The following PBLD variants were observed in gnomAD, a reference collection of about 807,000 sequenced individuals.
The protein encoded by PBLD is phenazine biosynthesis-like domain-containing protein.
PBLD carries 26 observed loss-of-function variants against 31.3 expected under a neutral mutation model. That is an observed-to-expected ratio of 0.83 (90% CI 0.61 to 1.15). The LOEUF is 1.15. Among genes scored for constraint, PBLD ranks in the 50% most tolerant of loss-of-function variants. The pLI, the probability that PBLD is intolerant of heterozygous loss-of-function variation, is 0.00. For synonymous variants in PBLD, 114 were observed against 129.0 expected, an observed-to-expected ratio of 0.88 and a Z score of 0.79; for missense variants, 307 against 351.7, an observed-to-expected ratio of 0.87 and a Z score of 1.02.
At chr10:68,307,953 C>G (rs2044606296) in intron 1 of PBLD, among the ~76,000 whole-genome samples, 1 of 151,846 alleles carries the variant, frequency 6.6e-6, no homozygotes, top group Non-Finnish European at 1.5e-5. Flanking sequence ...AAATAAAGAC[C>G]CATAAGTGCA....
At chr10:68,305,621 G>A (rs919649674) in intron 2 of PBLD, among the ~76,000 whole-genome samples, 1 of 152,128 alleles carries the variant, frequency 6.6e-6, no homozygotes, top group African/African-American at 2.4e-5. Flanking sequence ...CGTGCATGGT[G>A]GCGGGCACCT....
rs375209240 is a variant in PBLD at position 68,292,217 on chromosome 10, G to A, written c.305C>T (p.Thr102Met). Residue 102 changes from threonine (T) to methionine (M), a missense_variant, in exon 5 of 10, where the codon ACG (threonine) becomes ATG (methionine). Transcript: ENST00000358769. ...HKIKNMNSTLTFVTLSGELRA... is the reference protein window; with the variant it reads ...HKIKNMNSTLMFVTLSGELRA... ...TAGTTCTCCACTCAGAGTGACAAAC[G>A]TGAGCGTGCTATTCATGTTTTCTGG... 31 of 1,613,452 alleles carry A rather than the reference G, an allele frequency of 1.9e-5. No homozygotes were observed. The highest frequency in any genetic ancestry group is 9.3e-5 in the African/African-American group (7 of 74,926).
intron 2 of PBLD, among the ~76,000 whole-genome samples, chr10:68,304,418 C>T (rs1278712694): frequency 6.6e-6 from 1 of 152,236 alleles, no homozygotes; most frequent in African/African-American, 2.4e-5. Context: ...ATCCCCAAAT[C>T]ATGGACTTCC....
Position 68,306,898 on chromosome 10 carries a change from C to G in PBLD, c.-54G>C. 7.2e-7 allele frequency: 1 copy of G among 1,381,104 alleles called. No individual in the cohort carries two copies. Among genetic ancestry groups the G allele is most frequent in the East Asian group, 2.3e-5 (1 of 42,954 alleles). The allele number at this position is 1,381,104 out of a possible 1,614,324, so 85.6% of individuals were successfully genotyped here. ...TCAAAATTGCTGGTAGCCTGCTTTA[C>G]GTCTTCTTCTTGGAAAAGGAAATCA... On this transcript the variant is annotated 5_prime_UTR_variant, in exon 2 of 10. Coordinates refer to ENST00000358769, the MANE Select transcript of PBLD (RefSeq NM_022129.4).
intron 4 of PBLD, among the ~76,000 whole-genome samples, chr10:68,295,264 G>A (rs1226546116): frequency 2.0e-5 from 3 of 151,152 alleles, no homozygotes; most frequent in East Asian, 2.0e-4. Flanking sequence ...AGGCCAAGGT[G>A]GGCAGACCAC....
chr10:68,322,028 C>T (rs982222767), intron 1 of PBLD, among the ~76,000 whole-genome samples: 1 of 152,056 alleles, frequency 6.6e-6, no homozygotes, highest in Admixed American at 6.6e-5. Flanking sequence ...AAGAACAGAG[C>T]ATGGAAAGAC....
rs1016302257 is a variant in PBLD at position 68,319,885 on chromosome 10, G to C, written c.-60+12899C>G. Among the ~76,000 whole-genome samples, 3 of 149,378 alleles carry C rather than the reference G, an allele frequency of 2.0e-5. No homozygotes were observed. In the East Asian group the frequency reaches 6.0e-4, roughly 30 times the overall value. On this transcript the variant is annotated intron_variant, in intron 1 of 9. Transcript: ENST00000358769. ...GTTGCCCAGGCTGGAGTGCAATGGTGCAATCTCGGCTCACGGCAACCTCCG... is the reference window on the plus strand; with the variant it reads ...GTTGCCCAGGCTGGAGTGCAATGGTCCAATCTCGGCTCACGGCAACCTCCG...
chr10:68,320,821 CTTTT>C (rs201356125), intron 1 of PBLD, among the ~76,000 whole-genome samples: 1 of 142,784 alleles, frequency 7.0e-6, no homozygotes, highest in Non-Finnish European at 1.5e-5. Context: ...GCTCAACCCC[CTTTT>C]TTTTTTTTTT....
chr10:68,323,332 T>G (rs1438910051), intron 1 of PBLD, among the ~76,000 whole-genome samples: 1 of 151,980 alleles, frequency 6.6e-6, no homozygotes, highest in Non-Finnish European at 1.5e-5. Context: ...GAGGCCAAAG[T>G]GGGTGGATCA....
intron 1 of PBLD, among the ~76,000 whole-genome samples, chr10:68,317,222 A>G (rs1180744967): frequency 1.3e-5 from 2 of 152,216 alleles, no homozygotes; most frequent in Non-Finnish European, 2.9e-5. Context: ...TATCACTCAA[A>G]GCAAAGGTAA....
At chr10:68,313,485 C>A (rs952262824) in intron 1 of PBLD, among the ~76,000 whole-genome samples, 5 of 152,096 alleles carry the variant, frequency 3.3e-5, no homozygotes, top group Non-Finnish European at 5.9e-5. Flanking sequence ...GCATACTTCC[C>A]GGATGTCACA....
At chr10:68,320,800 T>C (rs1564738345) in intron 1 of PBLD, among the ~76,000 whole-genome samples, 1 of 151,020 alleles carries the variant, frequency 6.6e-6, no homozygotes, top group African/African-American at 2.4e-5. Flanking sequence ...ATTATAGGCA[T>C]GAGCCATTGT....
In PBLD at chr10:68,296,330, C is replaced by T. The variant is rs765494773; in HGVS notation, c.219G>A (p.Ala73=). 13 of 1,613,938 alleles carry T rather than the reference C, an allele frequency of 8.1e-6. No individual in the cohort carries two copies. The highest frequency in any genetic ancestry group is 2.2e-5 in the East Asian group (1 of 44,898). ...CATGGCCACAGAGTGGGACCTCACTCGCTGGTGTAAACCATCTCAGTCCAA... is the reference window on the plus strand; with the variant it reads ...CATGGCCACAGAGTGGGACCTCACTTGCTGGTGTAAACCATCTCAGTCCAA... The part of the protein sequence containing the change: ...SCFGLRWFTP[A]SEVPLCGHAT... Residue 73 remains alanine, a synonymous_variant, in exon 4 of 10, where the codon GCG becomes GCA. Coordinates refer to ENST00000358769, the MANE Select transcript of PBLD (RefSeq NM_022129.4).
chr10:68,321,558 T>C (rs1443030075), intron 1 of PBLD, among the ~76,000 whole-genome samples: 2 of 152,078 alleles, frequency 1.3e-5, no homozygotes, highest in Non-Finnish European at 2.9e-5. Flanking sequence ...GAAAGGAAAT[T>C]TGGGAAATTC....
chr10:68,330,592 C>CTGGA (rs1385020672), intron 1 of PBLD, among the ~76,000 whole-genome samples: 1 of 152,160 alleles, frequency 6.6e-6, no homozygotes, highest in African/African-American at 2.4e-5. Context: ...GTCGCCCAGG[C>CTGGA]TGGAGTGCGG....
intron 9 of PBLD, chr10:68,285,034 T>C: frequency 8.3e-7 from 1 of 1,198,790 alleles, no homozygotes. Context: ...GGAACCTTGG[T>C]CATCATCCAG....
At chr10:68,307,187 G>C (rs1156638576) in intron 1 of PBLD, among the ~76,000 whole-genome samples, 2 of 151,810 alleles carry the variant, frequency 1.3e-5, no homozygotes, top group African/African-American at 4.8e-5. Flanking sequence ...CTGCCACCAC[G>C]CCTGGCTAAT....
chr10:68,308,071 A>AC (rs1238931470), intron 1 of PBLD, among the ~76,000 whole-genome samples: 2 of 152,012 alleles, frequency 1.3e-5, no homozygotes, highest in Non-Finnish European at 2.9e-5. Context: ...AGATCCCAGG[A>AC]CCCCCTGAGG....
intron 1 of PBLD, among the ~76,000 whole-genome samples, chr10:68,313,533 G>T (rs2044698065): frequency 1.3e-5 from 2 of 152,150 alleles, no homozygotes; most frequent in African/African-American, 4.8e-5. Context: ...ATGTTCATAG[G>T]CTAGTTCTGA....
Sources: allele counts gnomAD v4.1 joint callset (sites outside exome capture counted in the v4.1 genomes callset), GRCh38; gene constraint gnomAD v4.1.1; transcripts MANE v1.5; gene names NCBI Gene and HGNC (gene_info 2026-07-23, HGNC 2026-07-21).